Variants in ANXA8 observed in about 807,000 individuals in gnomAD.
ANXA8 encodes VAC-beta.
In ANXA8, 9 loss-of-function variants were observed where a neutral mutation model predicts 26.8. The ratio of observed to expected loss-of-function variants is 0.34; its 90% CI spans 0.20 to 0.59. The LOEUF (loss-of-function observed/expected upper bound fraction) is 0.59, where lower values mean the gene tolerates loss of function less well. Among genes scored for constraint, ANXA8 ranks in the 20% least tolerant of loss-of-function variants. The pLI is 0.84. For synonymous variants in ANXA8, 39 were observed against 94.8 expected (o/e 0.41, Z 3.42); for missense variants, 83 against 238.5 (o/e 0.35, Z 4.29).
chr10:47,743,301 T>TAC, the ANXA8 span, among the ~76,000 whole-genome samples: 5 of 41,358 alleles, frequency 1.2e-4, no homozygotes, highest in African/African-American at 3.0e-4. Context: ...TATACACATA[T>TAC]ATATATATAT....
chr10:47,596,524 A>G, the ANXA8 span, among the ~76,000 whole-genome samples: 1 of 148,266 alleles, frequency 6.7e-6, no homozygotes. Flanking sequence ...CAAAATTGAT[A>G]GACTGCAAGC....
the ANXA8 span, among the ~76,000 whole-genome samples, chr10:47,495,537 C>T: frequency 1.2e-4 from 18 of 149,446 alleles, no homozygotes; most frequent in Admixed American, 1.0e-3. Context: ...CCACCTGCCT[C>T]GGCCTCCCAA....
chr10:47,749,035 C>T, the ANXA8 span, among the ~76,000 whole-genome samples: 1 of 82,984 alleles, frequency 1.2e-5, no homozygotes, highest in African/African-American at 4.6e-5. Flanking sequence ...GAGTTTGAGA[C>T]CAGCCTGAGC....
chr10:47,639,243 C>T, the ANXA8 span, among the ~76,000 whole-genome samples: 3 of 148,442 alleles, frequency 2.0e-5, no homozygotes, highest in Non-Finnish European at 4.4e-5. Context: ...CACCATTCTC[C>T]TGCCTCAGCC....
the ANXA8 span, among the ~76,000 whole-genome samples, chr10:47,618,701 C>T: frequency 8.9e-6 from 1 of 112,488 alleles, no homozygotes; most frequent in East Asian, 2.1e-4. Context: ...CAATACAAAT[C>T]ATACGCTTTG....
chr10:47,628,764 A>C, the ANXA8 span, among the ~76,000 whole-genome samples: 7 of 149,814 alleles, frequency 4.7e-5, no homozygotes, highest in Non-Finnish European at 5.9e-5. Context: ...AATACATCAA[A>C]ATCTTCTAGA....
the ANXA8 span, among the ~76,000 whole-genome samples, chr10:47,695,045 C>T: frequency 5.3e-5 from 8 of 151,716 alleles, 1 homozygote; most frequent in Non-Finnish European, 8.8e-5. Flanking sequence ...ATAGGCTTCA[C>T]AGTCCTAGCT....
upstream of ANXA8, among the ~76,000 whole-genome samples, chr10:47,488,788 C>T (rs1313347282): frequency 1.7e-5 from 2 of 119,878 alleles, no homozygotes; most frequent in East Asian, 2.7e-4. Flanking sequence ...AGTGCAGTGT[C>T]GCGATCTCGG....
At chr10:47,612,787 C>T in the ANXA8 span, among the ~76,000 whole-genome samples, 237 of 73,830 alleles carry the variant, frequency 3.2e-3, 38 homozygotes, top group African/African-American at 8.6e-3. Flanking sequence ...TCTTGCCATA[C>T]GATACCCTGT....
At chr10:47,616,245 T>C in the ANXA8 span, among the ~76,000 whole-genome samples, 5 of 74,638 alleles carry the variant, frequency 6.7e-5, 1 homozygote, top group African/African-American at 2.1e-4. Context: ...CTTTTTTTTT[T>C]TTTTAATAAT....
the ANXA8 span, among the ~76,000 whole-genome samples, chr10:47,606,873 A>G: frequency 6.6e-6 from 1 of 152,080 alleles, no homozygotes; most frequent in Admixed American, 6.5e-5. Flanking sequence ...TTAAAAATGA[A>G]TGAAGCCTGT....
chr10:47,689,334 A>T, the ANXA8 span, among the ~76,000 whole-genome samples: 1 of 151,528 alleles, frequency 6.6e-6, no homozygotes, highest in South Asian at 2.1e-4. Context: ...ATGTGCTACC[A>T]CGCCCAGCTA....
the ANXA8 span, among the ~76,000 whole-genome samples, chr10:47,961,266 G>T: frequency 6.6e-6 from 1 of 150,810 alleles, no homozygotes; most frequent in South Asian, 2.1e-4. Context: ...GAAGCATTAA[G>T]AAAGGGGAAA....
chr10:47,546,628 G>C, the ANXA8 span, among the ~76,000 whole-genome samples: 3 of 135,464 alleles, frequency 2.2e-5, 1 homozygote, highest in Non-Finnish European at 4.7e-5. Context: ...GGATGGTCTC[G>C]ATCTCCTGAC....
the ANXA8 span, among the ~76,000 whole-genome samples, chr10:47,653,780 T>C: frequency 6.7e-6 from 1 of 148,232 alleles, no homozygotes; most frequent in South Asian, 2.1e-4. Context: ...GAGTAGCTGG[T>C]ATTACAGGCG....
chr10:47,677,308 C>T, the ANXA8 span, among the ~76,000 whole-genome samples: 11 of 152,080 alleles, frequency 7.2e-5, no homozygotes, highest in Non-Finnish European at 1.6e-4. Context: ...GCACTAAAAA[C>T]ACAAACAGGG....
At chr10:47,689,296 C>T in the ANXA8 span, among the ~76,000 whole-genome samples, 3 of 151,532 alleles carry the variant, frequency 2.0e-5, no homozygotes, top group African/African-American at 7.3e-5. Flanking sequence ...TCTTCTGCCT[C>T]AGCCTTCAAG....
chr10:47,735,333 G>A, the ANXA8 span, among the ~76,000 whole-genome samples: 2 of 144,582 alleles, frequency 1.4e-5, no homozygotes, highest in African/African-American at 2.6e-5. Flanking sequence ...GGGCTCAACC[G>A]ACCCTCTTGC....
the ANXA8 span, among the ~76,000 whole-genome samples, chr10:47,663,620 G>A: frequency 7.6e-6 from 1 of 131,370 alleles, no homozygotes; most frequent in Non-Finnish European, 1.6e-5. Context: ...CTGGGTTCAG[G>A]TGATCCTCCT....
Sources: gnomAD v4.1 joint callset for allele counts (sites outside exome capture counted in the v4.1 genomes callset) on GRCh38, gnomAD v4.1.1 for gene constraint, MANE v1.5 for transcripts, NCBI Gene and HGNC (gene_info 2026-07-23, HGNC 2026-07-21) for gene names.